COBL: variants seen among roughly 807,000 people sequenced by gnomAD.
COBL encodes protein cordon-bleu.
Under a neutral mutation model 98.8 loss-of-function variants are expected in COBL, and 51 were observed. The ratio of observed to expected loss-of-function variants is 0.52; its 90% CI spans 0.41 to 0.65. COBL has a LOEUF of 0.65. Among genes scored for constraint, COBL ranks in the 30% least tolerant of loss-of-function variants. The probability of loss-of-function intolerance (pLI) is 0.00; values close to 1 mark genes in which losing one functional copy is unlikely to be tolerated. For missense variants in COBL, 1,617 were observed against 1,617.5 expected, an observed-to-expected ratio of 1.00 and a Z score of 0.01; for synonymous variants, 634 against 651.7, an observed-to-expected ratio of 0.97 and a Z score of 0.41.
intron 5 of COBL, among the ~76,000 whole-genome samples, chr7:51,147,573 G>A (rs1319652760): frequency 1.3e-5 from 2 of 152,034 alleles, no homozygotes; most frequent in Non-Finnish European, 1.5e-5. Flanking sequence ...CAAAGGTAGA[G>A]GAGAACAAAG....
chr7:51,270,806 A>AT (rs1252226450), intron 1 of COBL, among the ~76,000 whole-genome samples: 1 of 151,922 alleles, frequency 6.6e-6, no homozygotes, highest in Admixed American at 6.6e-5. Context: ...CCTAAAATAC[A>AT]TTTTATTATT....
intron 7 of COBL, among the ~76,000 whole-genome samples, chr7:51,076,688 G>C (rs1650810334): frequency 6.6e-6 from 1 of 152,032 alleles, no homozygotes; most frequent in South Asian, 2.1e-4. Context: ...AAATCAATTA[G>C]CTAGAAATAG....
At chr7:51,272,790 A>C (rs1798887498) in intron 1 of COBL, among the ~76,000 whole-genome samples, 1 of 152,216 alleles carries the variant, frequency 6.6e-6, no homozygotes, top group South Asian at 2.1e-4. Flanking sequence ...CCATGTCTAA[A>C]TTAAAGCCCA....
intron 7 of COBL, among the ~76,000 whole-genome samples, chr7:51,079,772 G>A (rs754852594): frequency 6.6e-6 from 1 of 152,228 alleles, no homozygotes; most frequent in Non-Finnish European, 1.5e-5. Context: ...AGAGCCGGCT[G>A]CCGAGAGGTG....
At chr7:51,192,381 G>A (rs964165545) in intron 3 of COBL, among the ~76,000 whole-genome samples, 1 of 152,168 alleles carries the variant, frequency 6.6e-6, no homozygotes, top group African/African-American at 2.4e-5. Context: ...GCTGAGGTGG[G>A]TGGATCACCT....
intron 9 of COBL, 83 bp from the exon 10 acceptor site, chr7:51,029,674 T>G: frequency 1.7e-6 from 2 of 1,199,366 alleles, no homozygotes; most frequent in Non-Finnish European, 2.3e-6. Context: ...TTGATTTCCC[T>G]GAGGTTACTT....
At position 51,028,359 on chromosome 7, in the gene COBL, C is replaced by T; in HGVS notation, c.2737G>A (p.Asp913Asn). ...LAAPPVTVKD[D>N]RTSSPHSETQ... ...TCTGAGTGTGGGCTGGATGTCCTGT[C>T]ATCTTTCACAGTGACAGGTGGTGCA... Residue 913 changes from aspartate (D) to asparagine (N), a missense_variant, in exon 10 of 13, where the codon GAC becomes AAC. By Grantham distance (23) the Asp-to-Asn change is conservative (BLOSUM62 1). This residue lies in a region of COBL where 1,304 missense variants were observed against 1,282.0 expected (regional missense o/e 1.02). Coordinates refer to ENST00000265136, the MANE Select transcript of COBL (RefSeq NM_015198.5). 1 of 1,614,260 alleles carries T rather than the reference C, an allele frequency of 6.2e-7. No individual in the cohort carries two copies. Among genetic ancestry groups the T allele is most frequent in the Non-Finnish European group, 8.5e-7 (1 of 1,180,048 alleles).
chr7:51,080,158 T>C (rs776172476), intron 7 of COBL, among the ~76,000 whole-genome samples: 3 of 152,122 alleles, frequency 2.0e-5, no homozygotes, highest in African/African-American at 7.2e-5. Flanking sequence ...GACAGGGGAA[T>C]GGCTGGAACA....
At chr7:51,067,108 T>C (rs1392399799) in intron 7 of COBL, among the ~76,000 whole-genome samples, 1 of 152,052 alleles carries the variant, frequency 6.6e-6, no homozygotes, top group Non-Finnish European at 1.5e-5. Flanking sequence ...AGAGATATAT[T>C]GTGTGTGGGG....
At chr7:51,163,568 T>C (rs1461941425) in intron 5 of COBL, among the ~76,000 whole-genome samples, 1 of 152,234 alleles carries the variant, frequency 6.6e-6, no homozygotes, top group Non-Finnish European at 1.5e-5. Flanking sequence ...TGAAGCCTTA[T>C]TACTTTGATT....
At chr7:51,214,003 C>T (rs1312574420) in intron 2 of COBL, among the ~76,000 whole-genome samples, 5 of 152,028 alleles carry the variant, frequency 3.3e-5, no homozygotes, top group African/African-American at 7.2e-5. Context: ...CGGTGGCTCA[C>T]GCCTGTAATC....
At chr7:51,090,867 G>A (rs979615641) in intron 6 of COBL, among the ~76,000 whole-genome samples, 5 of 152,232 alleles carry the variant, frequency 3.3e-5, no homozygotes, top group East Asian at 1.9e-4. Flanking sequence ...GAAGCTGGCC[G>A]CAGTGCCAGA....
chr7:51,165,041 C>A (rs1483005926), intron 5 of COBL, among the ~76,000 whole-genome samples: 1 of 151,692 alleles, frequency 6.6e-6, no homozygotes, highest in Non-Finnish European at 1.5e-5. Flanking sequence ...CAGAGAAAAA[C>A]ACCTTCACTA....
At chr7:51,288,422 C>CAAAA (rs71021764) in intron 1 of COBL, among the ~76,000 whole-genome samples, 1 of 102,776 alleles carries the variant, frequency 9.7e-6, no homozygotes, top group African/African-American at 3.7e-5. Context: ...CAACAGTCTC[C>CAAAA]AAAAAAAAAA....
chr7:51,271,794 C>T (rs1237908056), intron 1 of COBL, among the ~76,000 whole-genome samples: 1 of 152,212 alleles, frequency 6.6e-6, no homozygotes, highest in East Asian at 1.9e-4. Flanking sequence ...CTTTGGAAGA[C>T]CGAGGCAGGA....
intron 12 of COBL, among the ~76,000 whole-genome samples, chr7:51,024,838 G>A (rs1184997382): frequency 6.6e-6 from 1 of 152,282 alleles, no homozygotes; most frequent in African/African-American, 2.4e-5. Context: ...TTACAGTGGG[G>A]TTTAGATTCC....
At chr7:51,307,853 C>T (rs1252676755) in intron 1 of COBL, among the ~76,000 whole-genome samples, 1 of 152,218 alleles carries the variant, frequency 6.6e-6, no homozygotes, top group Admixed American at 6.5e-5. Flanking sequence ...GACTTCATCA[C>T]CCCAATTCCC....
chr7:51,118,096 C>T (rs1797436220), intron 6 of COBL, among the ~76,000 whole-genome samples: 1 of 152,118 alleles, frequency 6.6e-6, no homozygotes, highest in African/African-American at 2.4e-5. Flanking sequence ...CGGTGGCTGT[C>T]CTGAATTCTG....
At chr7:51,175,236 C>G (rs1272726066) in intron 5 of COBL, among the ~76,000 whole-genome samples, 1 of 152,244 alleles carries the variant, frequency 6.6e-6, no homozygotes, top group African/African-American at 2.4e-5. Flanking sequence ...CTTTACATAG[C>G]ACGCTTTTAA....
Sources: allele counts gnomAD v4.1 joint callset (sites outside exome capture counted in the v4.1 genomes callset), GRCh38; gene constraint gnomAD v4.1.1; regional missense constraint gnomAD v4.1.1; transcripts MANE v1.5; gene names NCBI Gene and HGNC (gene_info 2026-07-23, HGNC 2026-07-21).